The following LRBA variants were observed in gnomAD, a reference collection of about 807,000 sequenced individuals.
LRBA encodes the protein lipopolysaccharide-responsive and beige-like anchor protein.
In LRBA, 176 loss-of-function variants were observed where a neutral mutation model predicts 330.0. The ratio of observed to expected loss-of-function variants is 0.53; its 90% CI spans 0.47 to 0.60. The LOEUF is 0.60. Among genes scored for constraint, LRBA ranks in the 20% least tolerant of loss-of-function variants. The pLI is 0.00. For synonymous variants in LRBA, 1,230 were observed against 1,193.0 expected, an observed-to-expected ratio of 1.03 and a Z score of -0.64; for missense variants, 3,259 against 3,444.8, an observed-to-expected ratio of 0.95 and a Z score of 1.35.
At chr4:150,550,656 C>T (rs1308566065) in intron 40 of LRBA, among the ~76,000 whole-genome samples, 1 of 152,182 alleles carries the variant, frequency 6.6e-6, no homozygotes, top group Non-Finnish European at 1.5e-5. Flanking sequence ...TAAGTTTCTA[C>T]ACACAGTGGT....
At chr4:150,991,463 C>T (rs1742075029) in intron 2 of LRBA, among the ~76,000 whole-genome samples, 1 of 152,202 alleles carries the variant, frequency 6.6e-6, no homozygotes, top group Non-Finnish European at 1.5e-5. Flanking sequence ...GAATAGAATA[C>T]TTCTCAGCAA....
At chr4:150,689,881 T>A (rs2054095969) in intron 36 of LRBA, among the ~76,000 whole-genome samples, 1 of 151,990 alleles carries the variant, frequency 6.6e-6, no homozygotes, top group Non-Finnish European at 1.5e-5. Flanking sequence ...GCCGAGATTG[T>A]GCCACTGCAC....
At chr4:150,881,884 C>T (rs765427503) in intron 17 of LRBA, among the ~76,000 whole-genome samples, 3 of 152,042 alleles carry the variant, frequency 2.0e-5, no homozygotes, top group Admixed American at 6.5e-5. Flanking sequence ...GTCAGGAGCT[C>T]GAGACCAGCC....
At chr4:150,427,267 C>G (rs886649030) in intron 46 of LRBA, among the ~76,000 whole-genome samples, 1 of 151,806 alleles carries the variant, frequency 6.6e-6, no homozygotes, top group Admixed American at 6.6e-5. Context: ...TTTCCAAATG[C>G]CTTAATAGGT....
At chr4:150,448,824 G>GC (rs1214851658) in intron 44 of LRBA, among the ~76,000 whole-genome samples, 1 of 29,690 alleles carries the variant, frequency 3.4e-5, no homozygotes, top group African/African-American at 1.1e-4. Context: ...AAAAAAAAAG[G>GC]GGGGGGGGGT....
At chr4:150,354,515 TA>T (rs58363077) in intron 47 of LRBA, among the ~76,000 whole-genome samples, 37,917 of 151,920 alleles carry the variant, frequency 0.25, 4,833 homozygotes, top group East Asian at 0.34. Context: ...GTAATATTTG[TA>T]AAAAAGAAAA....
At chr4:150,660,901 A>C (rs1781007659) in intron 37 of LRBA, among the ~76,000 whole-genome samples, 1 of 117,248 alleles carries the variant, frequency 8.5e-6, no homozygotes, top group Non-Finnish European at 1.7e-5. Flanking sequence ...ACCAATCCCT[A>C]ATCTCAAGTA....
chr4:150,529,664 G>A (rs1333495056), intron 40 of LRBA, among the ~76,000 whole-genome samples: 1 of 151,644 alleles, frequency 6.6e-6, no homozygotes, highest in Non-Finnish European at 1.5e-5. Flanking sequence ...GGAGGTTGCA[G>A]TGAGCCGAGA....
Position 150,897,838 on chromosome 4 carries a change from A to G in LRBA, c.1925-20T>C, listed in dbSNP as rs1730272032. On this transcript the variant is annotated intron_variant, in intron 14 of 56. Coordinates refer to ENST00000651943, the MANE Select transcript of LRBA (RefSeq NM_001364905.1). The stretch of plus-strand genomic sequence containing the variant: ...GTCCATCTTTTAAAAAAATATACAC[A>G]TACACATTTAGTATTTAAAGGACCT... 1 of 1,517,164 alleles carries G rather than the reference A, an allele frequency of 6.6e-7. No individual in the cohort carries two copies. Among genetic ancestry groups the G allele is most frequent in the Non-Finnish European group, 9.1e-7 (1 of 1,094,402 alleles). The allele number at this position is 1,517,164 out of a possible 1,614,324, so 94.0% of individuals were successfully genotyped here.
intron 43 of LRBA, among the ~76,000 whole-genome samples, chr4:150,468,657 G>A (rs994183999): frequency 1.3e-5 from 2 of 151,744 alleles, no homozygotes; most frequent in African/African-American, 2.4e-5. Flanking sequence ...AGACTTTTAC[G>A]GTGAACATAG....
In LRBA at chr4:150,850,789, C is replaced by G; in HGVS notation, c.3939G>C (p.Gln1313His). 1 of 1,613,764 alleles carries G rather than the reference C, an allele frequency of 6.2e-7. No individual in the cohort carries two copies. Among genetic ancestry groups the G allele is most frequent in the East Asian group, 2.2e-5 (1 of 44,846 alleles). Residue 1313 changes from glutamine to histidine, a missense_variant, in exon 24 of 57, where the codon CAG becomes CAC. Transcript: ENST00000651943. ...VFRIPEFNWSQMHQRLLTDLL... is the reference protein window; with the variant it reads ...VFRIPEFNWSHMHQRLLTDLL... ...GATCAGTGAGCAAACGTTGATGCAT[C>G]TGAGACCAGTTGAACTCAGGAATAC...
At chr4:150,432,388 A>G (rs1750507426) in intron 46 of LRBA, among the ~76,000 whole-genome samples, 1 of 54,950 alleles carries the variant, frequency 1.8e-5, no homozygotes, top group Non-Finnish European at 9.6e-5. Flanking sequence ...CTCCACCTGA[A>G]ATATGTGATA....
chr4:150,547,504 G>A (rs1398271284), intron 40 of LRBA, among the ~76,000 whole-genome samples: 1 of 152,062 alleles, frequency 6.6e-6, no homozygotes, highest in Non-Finnish European at 1.5e-5. Flanking sequence ...GCAAACATCA[G>A]ACAAGTTAAG....
At chr4:150,806,160 C>G in intron 33 of LRBA, 111 bp downstream of exon 33, 1 of 766,796 alleles carries the variant, frequency 1.3e-6, no homozygotes, top group Non-Finnish European at 2.0e-6. Context: ...GAAACCTTGT[C>G]AAAGGCTGAC....
chr4:150,930,355 T>C (rs1007047515), intron 2 of LRBA, among the ~76,000 whole-genome samples: 27 of 150,492 alleles, frequency 1.8e-4, no homozygotes, highest in Non-Finnish European at 3.5e-4. Context: ...TAGCCAGGCA[T>C]GGTGGCATGT....
intron 2 of LRBA, among the ~76,000 whole-genome samples, chr4:151,005,682 C>A (rs918891727): frequency 6.7e-6 from 1 of 148,572 alleles, no homozygotes; most frequent in Non-Finnish European, 1.5e-5. Flanking sequence ...TCAGCTCACA[C>A]CAACCTCCAC....
At position 150,655,865 on chromosome 4, in the gene LRBA, C is replaced by T. The variant is rs140363311; in HGVS notation, c.5921+27686G>A. Among the ~76,000 whole-genome samples, 1,260 of 152,290 alleles carry T rather than the reference C, an allele frequency of 8.3e-3. 12 individuals are homozygous for T. Among genetic ancestry groups the T allele is most frequent in the African/African-American group, 0.029 (1,195 of 41,546 alleles). On this transcript the variant is annotated intron_variant, in intron 37 of 56. Transcript: ENST00000651943. ...GGTGACATGGAACCTCAAGGGTCTT[C>T]CAAATAGCTACTTTCCAAAGGTTCT...
In LRBA at chr4:150,915,627, C is replaced by G. The variant is rs531464633; in HGVS notation, c.995G>C (p.Trp332Ser). Residue 332 changes from tryptophan (W) to serine (S), a missense_variant, in exon 8 of 57, where the codon TGG becomes TCG. Transcript: ENST00000651943. ...GELASYGEIT[W>S]FVNTSDTFDK... ...ACTTACATCGCTAGTGTTGACAAAC[C>G]ATGTTATCTCTCCATAGGAAGCCAG... is the stretch of plus-strand genomic sequence containing the variant. 1 of 1,611,346 alleles carries G rather than the reference C, an allele frequency of 6.2e-7. No homozygotes were observed. The highest frequency in any genetic ancestry group is 1.1e-5 in the South Asian group (1 of 90,362).
At position 150,265,276 on chromosome 4, in the gene LRBA, A is replaced by C; in HGVS notation, c.*446T>G. The C allele has an allele frequency of 6.3e-6, 1 of 158,136 alleles. No individual in the cohort carries two copies. The highest frequency in any genetic ancestry group is 1.4e-5 in the Non-Finnish European group (1 of 70,890). The allele number at this position is 158,136 out of a possible 1,614,324, so 9.8% of individuals were successfully genotyped here. The stretch of plus-strand genomic sequence containing the variant: ...TTAAATCCCAGAAATATTAGTGCTG[A>C]AGAAGCACAGTTGTTTGGAAAAATA... On this transcript the variant is annotated 3_prime_UTR_variant, in exon 57 of 57. Transcript: ENST00000651943.
Sources: allele counts gnomAD v4.1 joint callset (sites outside exome capture counted in the v4.1 genomes callset), GRCh38; gene constraint gnomAD v4.1.1; transcripts MANE v1.5; gene names NCBI Gene and HGNC (gene_info 2026-07-23, HGNC 2026-07-21).